TRHDE: variants seen among roughly 807,000 people sequenced by gnomAD.
TRHDE encodes thyrotropin releasing hormone degrading enzyme, also known as thyrotropin-releasing hormone-degrading ectoenzyme.
A neutral mutation model predicts 125.7 loss-of-function variants in TRHDE; 72 were observed. That is an observed-to-expected ratio of 0.57 (90% CI 0.47 to 0.70). The LOEUF is 0.70. Among genes scored for constraint, TRHDE ranks in the 30% least tolerant of loss-of-function variants. The pLI is 0.00. For synonymous variants in TRHDE, 509 were observed against 509.1 expected, an observed-to-expected ratio of 1.00 and a Z score of 0.00; for missense variants, 1,110 against 1,327.1, an observed-to-expected ratio of 0.84 and a Z score of 2.54.
At chr12:72,317,593 A>G (rs1181475846) in intron 2 of TRHDE, among the ~76,000 whole-genome samples, 1 of 152,106 alleles carries the variant, frequency 6.6e-6, no homozygotes, top group East Asian at 1.9e-4. Flanking sequence ...CACTAATCCC[A>G]TTCATGAAGG....
intron 2 of TRHDE, among the ~76,000 whole-genome samples, chr12:72,207,618 T>G (rs1016192733): frequency 6.6e-6 from 1 of 152,226 alleles, no homozygotes; most frequent in Non-Finnish European, 1.5e-5. Context: ...TATGTTGCCC[T>G]TTATTAGCAG....
chr12:72,116,889 T>G (rs77384620), intron 2 of TRHDE, among the ~76,000 whole-genome samples: 5,297 of 152,162 alleles, frequency 0.035, 170 homozygotes, highest in South Asian at 0.11. Context: ...TTGGTGTGCC[T>G]TCTTTTGAGA....
rs540568377 is a variant in TRHDE at position 72,088,102 on chromosome 12, T to G, written n.174+663T>G. Among the ~76,000 whole-genome samples the G allele has an allele frequency of 1.3e-4, 20 of 152,274 alleles. No individual in the cohort carries two copies. In the South Asian group the frequency reaches 4.1e-3, roughly 32 times the overall value. ...ACAAGGAAATCCAAGAGGTTGTGTTTACAGAATAAAGTACTAGCATCTTGG... is the reference window on the plus strand; with the variant it reads ...ACAAGGAAATCCAAGAGGTTGTGTTGACAGAATAAAGTACTAGCATCTTGG... On this transcript the variant is annotated intron_variant and non_coding_transcript_variant, in intron 1 of 4. Transcript: ENST00000548156.
chr12:72,165,637 T>A (rs1388361301), intron 2 of TRHDE, among the ~76,000 whole-genome samples: 2 of 152,132 alleles, frequency 1.3e-5, no homozygotes, highest in Non-Finnish European at 2.9e-5. Context: ...CACACTTTGC[T>A]TAACTTAATA....
chr12:72,176,518 G>A (rs887922461), intron 2 of TRHDE, among the ~76,000 whole-genome samples: 1 of 152,142 alleles, frequency 6.6e-6, no homozygotes, highest in Non-Finnish European at 1.5e-5. Flanking sequence ...CTCAAAAAGG[G>A]GGTGACAGGT....
At chr12:72,109,449 G>A (rs991071326) in intron 2 of TRHDE, among the ~76,000 whole-genome samples, 3 of 151,908 alleles carry the variant, frequency 2.0e-5, no homozygotes, top group Admixed American at 6.6e-5. Context: ...ATATATATGC[G>A]ACTTAACTAA....
chr12:72,520,412 C>T (rs576721950), intron 6 of TRHDE, among the ~76,000 whole-genome samples: 3 of 152,254 alleles, frequency 2.0e-5, no homozygotes, highest in Admixed American at 6.5e-5. Flanking sequence ...TTCCAGGTGC[C>T]GACCGTCACG....
At chr12:72,540,167 T>C (rs1191139878) in intron 6 of TRHDE, among the ~76,000 whole-genome samples, 3 of 151,760 alleles carry the variant, frequency 2.0e-5, no homozygotes, top group Non-Finnish European at 4.4e-5. Flanking sequence ...GATTTTTGAA[T>C]TTTAGCTTTG....
chr12:72,513,126 G>T (rs28684966), intron 6 of TRHDE, among the ~76,000 whole-genome samples: 100 of 152,138 alleles, frequency 6.6e-4, no homozygotes, highest in African/African-American at 2.1e-3. Flanking sequence ...TTAGTACACC[G>T]TTGTTTTTAC....
At chr12:72,202,221 G>T (rs1032944799) in intron 2 of TRHDE, among the ~76,000 whole-genome samples, 1 of 152,168 alleles carries the variant, frequency 6.6e-6, no homozygotes, top group African/African-American at 2.4e-5. Context: ...GTCTATCAGT[G>T]AGATCCCTTG....
intron 2 of TRHDE, among the ~76,000 whole-genome samples, chr12:72,377,238 TA>T (rs1871929295): frequency 1.3e-5 from 2 of 151,872 alleles, no homozygotes; most frequent in South Asian, 4.1e-4. Context: ...TTATGAAAAC[TA>T]ATCTCATTTT....
intron 12 of TRHDE, among the ~76,000 whole-genome samples, chr12:72,602,778 A>G (rs557897478): frequency 9.8e-5 from 15 of 152,322 alleles, no homozygotes; most frequent in African/African-American, 3.6e-4. Flanking sequence ...AACATATGGA[A>G]CCACTAATTT....
chr12:72,113,685 C>T (rs1443568085), intron 2 of TRHDE, among the ~76,000 whole-genome samples: 1 of 152,014 alleles, frequency 6.6e-6, no homozygotes, highest in Non-Finnish European at 1.5e-5. Context: ...ACCTTAGACT[C>T]ACCCCTATTA....
intron 12 of TRHDE, among the ~76,000 whole-genome samples, chr12:72,594,069 T>C (rs1447118335): frequency 6.6e-6 from 1 of 152,178 alleles, no homozygotes; most frequent in Non-Finnish European, 1.5e-5. Flanking sequence ...TTTCTAGTTC[T>C]AGATCTTTGA....
chr12:72,553,051 G>GT (rs1489494169), intron 7 of TRHDE, among the ~76,000 whole-genome samples: 1 of 152,106 alleles, frequency 6.6e-6, no homozygotes, highest in Non-Finnish European at 1.5e-5. Flanking sequence ...TTTTTTCAGT[G>GT]TTTTTTGAGA....
chr12:72,550,653 G>A (rs1247779513), intron 7 of TRHDE, among the ~76,000 whole-genome samples: 1 of 151,752 alleles, frequency 6.6e-6, no homozygotes, highest in African/African-American at 2.4e-5. Context: ...ATGTTTGTGA[G>A]CATTTACTTT....
intron 6 of TRHDE, among the ~76,000 whole-genome samples, chr12:72,510,988 T>C (rs182076038): frequency 2.6e-4 from 40 of 152,286 alleles, no homozygotes; most frequent in Admixed American, 6.5e-4. Context: ...TCACCATTTC[T>C]CTGTCAACAT....
chr12:72,558,154 A>G (rs1870010137), intron 7 of TRHDE, among the ~76,000 whole-genome samples: 1 of 152,174 alleles, frequency 6.6e-6, no homozygotes, highest in South Asian at 2.1e-4. Flanking sequence ...CGGATTTTAC[A>G]GGCTGTGTGA....
chr12:72,261,993 G>A (rs1382337495), intron 2 of TRHDE, among the ~76,000 whole-genome samples: 1 of 152,104 alleles, frequency 6.6e-6, no homozygotes, highest in Non-Finnish European at 1.5e-5. Flanking sequence ...AGAAGATTAA[G>A]TTCCTCAGGC....
Sources: gnomAD v4.1 joint callset for allele counts (sites outside exome capture counted in the v4.1 genomes callset) on GRCh38, gnomAD v4.1.1 for gene constraint, MANE v1.5 for transcripts, NCBI Gene and HGNC (gene_info 2026-07-23, HGNC 2026-07-21) for gene names.